The following IQCE variants were observed in gnomAD, a reference collection of about 807,000 sequenced individuals.
The protein encoded by IQCE is IQ motif containing E.
Under a neutral mutation model 96.0 loss-of-function variants are expected in IQCE, and 115 were observed. That is an observed-to-expected ratio of 1.20 (90% CI 1.03 to 1.40). The LOEUF is 1.40. Ranked by LOEUF, IQCE falls within the 40% of genes most tolerant of loss-of-function variation. The probability of loss-of-function intolerance (pLI) is 0.00; values close to 1 mark genes in which losing one functional copy is unlikely to be tolerated. For synonymous variants in IQCE, 412 were observed against 371.2 expected (o/e 1.11, Z -1.26); for missense variants, 1,041 against 909.1 (o/e 1.15, Z -1.87).
At position 2,590,078 on chromosome 7, in the gene IQCE, G is replaced by A. The variant is rs113031380; in HGVS notation, c.1216G>A (p.Ala406Thr). ...AVRDLKEERT[A>T]LQEQLLQRDL... ...GAGAGACCTGAAGGAAGAGCGGACC[G>A]CGCTGCAGGAGCAGCTGCTGCAGAG... Residue 406 changes from alanine (A) to threonine (T), a missense_variant, in exon 14 of 22, where the codon GCG (alanine) becomes ACG (threonine). Transcript: ENST00000402050. 7.4e-6 allele frequency: 12 copies of A among 1,613,056 alleles called. No individual in the cohort carries two copies. The highest frequency in any genetic ancestry group is 4.0e-5 in the African/African-American group (3 of 75,050).
intron 13 of IQCE, 75 bp downstream of exon 13, chr7:2,587,952 G>A (rs1290541874): frequency 1.3e-5 from 18 of 1,362,506 alleles, no homozygotes; most frequent in South Asian, 8.1e-5. Context: ...CACAGGGTGC[G>A]GAAGGTGGCG....
At chr7:2,593,205 T>A in intron 15 of IQCE, 79 bp downstream of exon 15, 1 of 1,503,010 alleles carries the variant, frequency 6.7e-7, no homozygotes, top group Non-Finnish European at 8.9e-7. Context: ...CCGTGGCGTC[T>A]CAGCCTTGCT....
In IQCE at chr7:2,567,139, C is replaced by A; in HGVS notation, c.60C>A (p.Val20=). Residue 20 remains valine (V), a synonymous_variant, in exon 2 of 22, where the codon GTC becomes GTA. Coordinates refer to ENST00000402050, the MANE Select transcript of IQCE (RefSeq NM_152558.5). ...LDTGDDSLSA[V]TFDSDVETKA... ...AGGGAGATGACAGTCTGTCTGCAGTCACCTTTGACTCTGATGTGGAGACGG... is the reference window on the plus strand; with the variant it reads ...AGGGAGATGACAGTCTGTCTGCAGTAACCTTTGACTCTGATGTGGAGACGG... The A allele has an allele frequency of 6.2e-7, 1 of 1,613,922 alleles. No homozygotes were observed. The highest frequency in any genetic ancestry group is 8.5e-7 in the Non-Finnish European group (1 of 1,179,928).
intron 1 of IQCE, among the ~76,000 whole-genome samples, chr7:2,561,194 G>T (rs1562612634): frequency 1.3e-5 from 2 of 151,980 alleles, no homozygotes. Context: ...CTGACCTCAG[G>T]TTATCTACCT....
chr7:2,609,773 G>T (rs62439501), intron 21 of IQCE, among the ~76,000 whole-genome samples: 12,888 of 149,030 alleles, frequency 0.086, 270 homozygotes, highest in Non-Finnish European at 0.12. Context: ...AGGCTGGAGA[G>T]TGAGGCTTTC....
intron 17 of IQCE, among the ~76,000 whole-genome samples, chr7:2,599,323 A>C (rs1003624699): frequency 2.0e-5 from 3 of 151,796 alleles, no homozygotes; most frequent in African/African-American, 7.3e-5. Context: ...CAGCCTCCCA[A>C]GTAGTTGTGA....
Position 2,613,939 on chromosome 7 carries a change from G to C in IQCE, c.*3777G>C, listed in dbSNP as rs1293339372. ...GGGCTAAACTCCAACCCAGGGCCCG[G>C]TGTTGGACAAAGTAGCTTTTTCTTT... is the stretch of plus-strand genomic sequence containing the variant. On this transcript the variant is annotated 3_prime_UTR_variant, in exon 22 of 22. Transcript: ENST00000402050. 2.6e-5 allele frequency: 4 copies of C among 152,202 alleles called. No homozygotes were observed. The highest frequency in any genetic ancestry group is 5.9e-5 in the Non-Finnish European group (4 of 68,046). The allele number at this position is 152,202 out of a possible 1,614,324, so 9.4% of individuals were successfully genotyped here.
chr7:2,585,551 C>T (rs991134593), intron 11 of IQCE, among the ~76,000 whole-genome samples: 7 of 152,276 alleles, frequency 4.6e-5, no homozygotes, highest in African/African-American at 1.7e-4. Context: ...GCACTGCAGT[C>T]CAGCCCACGC....
intron 12 of IQCE, among the ~76,000 whole-genome samples, chr7:2,587,495 C>T (rs1259388277): frequency 1.3e-5 from 2 of 152,016 alleles, no homozygotes; most frequent in Non-Finnish European, 2.9e-5. Context: ...GGCTGAGAAC[C>T]GATTGTTGGA....
At chr7:2,607,303 AG>A in intron 21 of IQCE, 76 bp downstream of exon 21, 2 of 1,598,242 alleles carry the variant, frequency 1.3e-6, no homozygotes, top group South Asian at 2.2e-5. Context: ...GGCCACCTCC[AG>A]GAAGCCCGGG....
At chr7:2,603,362 C>T (rs574966000) in intron 18 of IQCE, among the ~76,000 whole-genome samples, 180 of 152,300 alleles carry the variant, frequency 1.2e-3, no homozygotes, top group African/African-American at 4.2e-3. Context: ...CCTAGACTGG[C>T]GCCTGGCATG....
chr7:2,578,137 C>T lies in IQCE; in HGVS notation c.466-105C>T, dbSNP rs1782340838. 1.6e-5 allele frequency: 13 copies of T among 817,202 alleles called. No homozygotes were observed. In the South Asian group the frequency reaches 1.6e-4, roughly 10 times the overall value. 50.6% of individuals were successfully genotyped at this position (817,202 alleles called of 1,614,324 possible). A position where few individuals can be genotyped will look rare whatever the true frequency, so the allele number is the denominator to read the frequency against. On this transcript the variant is annotated intron_variant, in intron 6 of 21. Transcript: ENST00000402050. ...GGCTGTGCGCGTGGGGACGTGTGTG[C>T]GGCGTGCCCGCATTGGCGTGTGCGT...
At chr7:2,597,223 G>A (rs924876742) in intron 16 of IQCE, 2 of 439,218 alleles carry the variant, frequency 4.6e-6, no homozygotes, top group Middle Eastern at 7.8e-4. Context: ...CAGCTGTCCC[G>A]CACCTGGCCC....
chr7:2,593,730 G>A (rs952346649), intron 15 of IQCE, among the ~76,000 whole-genome samples: 13 of 152,252 alleles, frequency 8.5e-5, no homozygotes, highest in Non-Finnish European at 1.2e-4. Flanking sequence ...GGAGGGGAGC[G>A]AGGACTGCTG....
intron 6 of IQCE, among the ~76,000 whole-genome samples, chr7:2,575,069 G>T (rs563254236): frequency 6.6e-6 from 1 of 152,318 alleles, no homozygotes; most frequent in South Asian, 2.1e-4. Context: ...GGCCATCTCA[G>T]TGTTGACATT....
At chr7:2,598,420 C>G (rs776369935) in intron 16 of IQCE, 45 bp from the exon 17 acceptor site, 13 of 1,518,870 alleles carry the variant, frequency 8.6e-6, no homozygotes, top group East Asian at 4.7e-5. Context: ...ACTGGTTGTC[C>G]CTGCCCTGGC....
At chr7:2,579,319 A>T (rs1782469225) in intron 8 of IQCE, among the ~76,000 whole-genome samples, 2 of 152,206 alleles carry the variant, frequency 1.3e-5, no homozygotes, top group African/African-American at 4.8e-5. Context: ...TATTGAACGC[A>T]AAGAATAAAA....
intron 18 of IQCE, among the ~76,000 whole-genome samples, chr7:2,602,556 T>C (rs954422220): frequency 2.6e-5 from 4 of 152,196 alleles, no homozygotes; most frequent in African/African-American, 9.7e-5. Flanking sequence ...TGCTTCTAAG[T>C]GGCAGGGCAG....
chr7:2,559,017 C>CT lies in IQCE; in HGVS notation c.-163dup. The CT allele has an allele frequency of 2.7e-6, 1 of 364,448 alleles. No individual in the cohort carries two copies. The highest frequency in any genetic ancestry group is 4.3e-5 in the East Asian group (1 of 23,140). The allele number at this position is 364,448 out of a possible 1,614,324, so 22.6% of individuals were successfully genotyped here. On this transcript the variant is annotated 5_prime_UTR_variant, in exon 1 of 22. It removes the in-frame stop codon of an upstream open reading frame in the 5' UTR. Transcript: ENST00000402050. ...GTCGCCCCAGGGGGAACGCAGGTCG[C>CT]TTACCCGGCTGGGTAGGTCGGCGGC...
Sources: allele counts gnomAD v4.1 joint callset (sites outside exome capture counted in the v4.1 genomes callset), GRCh38; gene constraint gnomAD v4.1.1; transcripts MANE v1.5; gene names NCBI Gene and HGNC (gene_info 2026-07-23, HGNC 2026-07-21).